The following MME variants were observed in gnomAD, a reference collection of about 807,000 sequenced individuals.
The protein encoded by MME is neprilysin.
In MME, 98 loss-of-function variants were observed where a neutral mutation model predicts 113.2. The ratio of observed to expected loss-of-function variants is 0.87; its 90% CI spans 0.74 to 1.02. MME has a LOEUF of 1.02. MME is among the 50% of genes least tolerant of loss of function. The pLI, the probability that MME is intolerant of heterozygous loss-of-function variation, is 0.00. For missense variants in MME, 836 were observed against 896.0 expected, an observed-to-expected ratio of 0.93 and a Z score of 0.86; for synonymous variants, 292 against 300.6, an observed-to-expected ratio of 0.97 and a Z score of 0.30.
At chr3:155,178,801 T>G (rs905501703) in intron 22 of MME, among the ~76,000 whole-genome samples, 1 of 152,232 alleles carries the variant, frequency 6.6e-6, no homozygotes, top group Non-Finnish European at 1.5e-5. Context: ...TGTAAATATT[T>G]GTTATACTGT....
At chr3:155,027,862 C>A (rs1228387599) in intron 1 of MME, among the ~76,000 whole-genome samples, 1 of 152,160 alleles carries the variant, frequency 6.6e-6, no homozygotes, top group Non-Finnish European at 1.5e-5. Context: ...AATAGATACT[C>A]AAAAAGTTTG....
intron 16 of MME, among the ~76,000 whole-genome samples, chr3:155,159,381 C>T (rs1722546299): frequency 6.6e-6 from 1 of 151,932 alleles, no homozygotes. Context: ...CTCTGACTAC[C>T]TTAAATGTAT....
intron 1 of MME, among the ~76,000 whole-genome samples, chr3:155,058,332 C>T (rs568632617): frequency 2.3e-4 from 35 of 152,096 alleles, no homozygotes; most frequent in Non-Finnish European, 2.4e-4. Context: ...ATGACAGTGT[C>T]CTATTTACTC....
At chr3:155,079,560 C>G (rs1336910073), upstream of MME, 2 of 143,944 alleles carry the variant, frequency 1.4e-5, no homozygotes, top group Admixed American at 7.7e-5. Context: ...GGAGACCTAG[C>G]GGAAACCTTC....
At chr3:155,174,179 G>T (rs577775349) in intron 22 of MME, among the ~76,000 whole-genome samples, 1 of 152,144 alleles carries the variant, frequency 6.6e-6, no homozygotes, top group Admixed American at 6.6e-5. Context: ...ACGTACATAA[G>T]TATATAACTG....
chr3:155,098,957 T>C (rs1716978126), intron 3 of MME, among the ~76,000 whole-genome samples: 1 of 151,530 alleles, frequency 6.6e-6, no homozygotes, highest in African/African-American at 2.4e-5. Flanking sequence ...GCCTCTGGAG[T>C]CAGTAGAAGA....
intron 1 of MME, among the ~76,000 whole-genome samples, chr3:155,031,263 T>C (rs1273326551): frequency 6.6e-6 from 1 of 152,084 alleles, no homozygotes; most frequent in East Asian, 1.9e-4. Flanking sequence ...AGAAAAAAAA[T>C]TGTTGGATCT....
At chr3:155,066,501 G>A (rs1162188515) in intron 1 of MME, among the ~76,000 whole-genome samples, 4 of 152,210 alleles carry the variant, frequency 2.6e-5, no homozygotes, top group South Asian at 2.1e-4. Flanking sequence ...AGTGAGTATC[G>A]TCGTTTGAAA....
At chr3:155,072,701 T>G (rs923787245) in intron 1 of MME, among the ~76,000 whole-genome samples, 2 of 152,192 alleles carry the variant, frequency 1.3e-5, no homozygotes, top group Non-Finnish European at 2.9e-5. Flanking sequence ...TGTTTCTACT[T>G]TTTTGAAAAT....
chr3:155,086,997 T>TC (rs2108176124), intron 3 of MME, among the ~76,000 whole-genome samples: 1 of 111,540 alleles, frequency 9.0e-6, no homozygotes, highest in South Asian at 2.5e-4. Context: ...TTTTTTTTGT[T>TC]TTTTTTTGTT....
chr3:155,045,170 C>A (rs1161439734), intron 1 of MME, among the ~76,000 whole-genome samples: 4 of 117,734 alleles, frequency 3.4e-5, no homozygotes, highest in Middle Eastern at 4.3e-3. Flanking sequence ...TTTTTTTTTT[C>A]AGACGGAGTC....
chr3:155,104,381 C>T (rs1240602541), intron 3 of MME, among the ~76,000 whole-genome samples: 1 of 152,184 alleles, frequency 6.6e-6, no homozygotes, highest in Non-Finnish European at 1.5e-5. Flanking sequence ...TGCCTTGTGC[C>T]AATCAAATGT....
chr3:155,067,013 G>A (rs1369030079), intron 1 of MME, among the ~76,000 whole-genome samples: 3 of 151,920 alleles, frequency 2.0e-5, no homozygotes, highest in South Asian at 2.1e-4. Context: ...AGAACTCACC[G>A]ATTTAGAGAC....
intron 3 of MME, among the ~76,000 whole-genome samples, chr3:155,093,651 T>C (rs985361397): frequency 6.6e-6 from 1 of 150,740 alleles, no homozygotes; most frequent in Non-Finnish European, 1.5e-5. Flanking sequence ...AGGTCAGGAG[T>C]TCAAGACCAG....
chr3:155,091,988 A>C (rs1716337435), intron 3 of MME, among the ~76,000 whole-genome samples: 2 of 152,198 alleles, frequency 1.3e-5, no homozygotes, highest in Non-Finnish European at 2.9e-5. Flanking sequence ...ATAAAGTCTC[A>C]GTATCCAAAG....
chr3:155,151,379 A>G (rs566656674), intron 16 of MME, among the ~76,000 whole-genome samples: 2 of 151,916 alleles, frequency 1.3e-5, no homozygotes, highest in South Asian at 2.1e-4. Flanking sequence ...GACAGCAACT[A>G]ATGTAAATGA....
At chr3:155,090,953 C>T (rs555393028) in intron 3 of MME, among the ~76,000 whole-genome samples, 25 of 152,292 alleles carry the variant, frequency 1.6e-4, no homozygotes, top group South Asian at 1.0e-3. Context: ...CCTGTTAACA[C>T]CTTGAAACCT....
chr3:155,140,184 T>A lies in MME; in HGVS notation c.856-7T>A. 1 of 1,595,288 alleles carries A rather than the reference T, an allele frequency of 6.3e-7. No individual in the cohort carries two copies. Among genetic ancestry groups the A allele is most frequent in the Non-Finnish European group, 8.6e-7 (1 of 1,165,460 alleles). On this transcript the variant is annotated splice_region_variant and splice_polypyrimidine_tract_variant and intron_variant, in intron 9 of 22. Coordinates refer to ENST00000360490, the MANE Select transcript of MME (RefSeq NM_007289.4). ...TCTAAAATAATGATTAAAAATTAAA[T>A]CCATAGGCTACGGCTAAACCTGAAG...
chr3:155,165,340 C>T (rs1217925094), intron 17 of MME, among the ~76,000 whole-genome samples: 1 of 152,030 alleles, frequency 6.6e-6, no homozygotes, highest in Non-Finnish European at 1.5e-5. Flanking sequence ...AAGATACTCT[C>T]CATCTTTTAT....
Sources: allele counts gnomAD v4.1 joint callset (sites outside exome capture counted in the v4.1 genomes callset), GRCh38; gene constraint gnomAD v4.1.1; transcripts MANE v1.5; gene names NCBI Gene and HGNC (gene_info 2026-07-23, HGNC 2026-07-21).